The following DNAH14 variants were observed in gnomAD, a reference collection of about 807,000 sequenced individuals.
DNAH14 encodes dynein axonemal heavy chain 14, also known as axonemal beta dynein heavy chain 14.
Under a neutral mutation model 520.9 loss-of-function variants are expected in DNAH14, and 478 were observed. The observed-to-expected ratio is 0.92, with a 90% confidence interval of 0.85 to 0.99. DNAH14 has a LOEUF of 0.99. DNAH14 is among the 50% of genes least tolerant of loss of function. The pLI, the probability that DNAH14 is intolerant of heterozygous loss-of-function variation, is 0.00. For synonymous variants in DNAH14, 1,581 were observed against 1,757.2 expected (o/e 0.90, Z 2.51); for missense variants, 4,831 against 5,234.5 (o/e 0.92, Z 2.38).
chr1:225,017,280 T>C (rs1214930663), intron 10 of DNAH14, among the ~76,000 whole-genome samples: 1 of 152,254 alleles, frequency 6.6e-6, no homozygotes, highest in East Asian at 1.9e-4. Context: ...GTCTTCTTTT[T>C]GTCTAATGTT....
intron 23 of DNAH14, among the ~76,000 whole-genome samples, chr1:225,116,090 A>G (rs1272197701): frequency 1.3e-5 from 2 of 152,188 alleles, no homozygotes; most frequent in Admixed American, 6.6e-5. Context: ...GCAAAGGTAA[A>G]AAGTACAAAG....
chr1:225,185,846 G>A (rs955452038), intron 37 of DNAH14, among the ~76,000 whole-genome samples: 1 of 149,762 alleles, frequency 6.7e-6, no homozygotes, highest in African/African-American at 2.5e-5. Context: ...ACTTTATCTG[G>A]AATGTATTTA....
chr1:225,204,192 C>T lies in DNAH14; in HGVS notation c.5896C>T (p.Leu1966Phe), dbSNP rs749516905. The change falls in exon 39 of 86, where the codon CTT becomes TTT. Residue 1966 changes from leucine (L) to phenylalanine (F), a missense_variant. Leu to Phe is a conservative substitution (Grantham distance 22). Coordinates refer to ENST00000682510, the MANE Select transcript of DNAH14 (RefSeq NM_001367479.1). ...TGATTACATATTTTAGGTTTTCAAA[C>T]TTGATTCCTCTGATACAACAGAGAC... ...RISDLSNVFK[L>F]DSSDTTETDD... 4.7e-5 allele frequency: 68 copies of T among 1,453,712 alleles called. No homozygotes were observed. Among genetic ancestry groups the T allele is most frequent in the Admixed American group, 1.4e-4 (4 of 29,544 alleles). 90.1% of individuals were successfully genotyped at this position (1,453,712 alleles called of 1,614,324 possible). A position where few individuals can be genotyped will look rare whatever the true frequency, so the allele number is the denominator to read the frequency against.
chr1:225,051,965 T>G (rs1314883382), intron 17 of DNAH14, among the ~76,000 whole-genome samples, 170 bp downstream of exon 17: 1 of 152,200 alleles, frequency 6.6e-6, no homozygotes, highest in Non-Finnish European at 1.5e-5. Flanking sequence ...TAATGTGTAT[T>G]ACATTTGTTT....
At chr1:225,366,346 G>A (rs1171591931) in intron 76 of DNAH14, among the ~76,000 whole-genome samples, 1 of 152,112 alleles carries the variant, frequency 6.6e-6, no homozygotes, top group Non-Finnish European at 1.5e-5. Flanking sequence ...AAATTATGAT[G>A]TATTTGTGTG....
chr1:225,040,066 T>C (rs1268306867), intron 12 of DNAH14, among the ~76,000 whole-genome samples: 2 of 150,214 alleles, frequency 1.3e-5, no homozygotes, highest in East Asian at 2.0e-4. Context: ...GCCTCCCGAG[T>C]AGCTGGGACT....
Position 225,117,744 on chromosome 1 carries a change from C to T in DNAH14, c.3928C>T (p.Leu1310Phe), listed in dbSNP as rs779796221. The T allele has an allele frequency of 1.3e-6, 2 of 1,550,858 alleles. No homozygotes were observed. The highest frequency in any genetic ancestry group is 2.4e-5 in the East Asian group (1 of 40,886). The change falls in exon 24 of 86, where the codon CTT becomes TTT. Residue 1310 changes from leucine to phenylalanine, a missense_variant. By Grantham distance (22) the Leu-to-Phe change is conservative. Coordinates refer to ENST00000682510, the MANE Select transcript of DNAH14 (RefSeq NM_001367479.1). The part of the protein sequence containing the change: ...PRFYFLSNAE[L>F]LDILADSRNP... ...ATTTTACTTTCTTAGCAATGCCGAGCTTCTTGATATTCTAGCTGATAGCAG... is the reference window on the plus strand; with the variant it reads ...ATTTTACTTTCTTAGCAATGCCGAGTTTCTTGATATTCTAGCTGATAGCAG...
chr1:225,107,307 C>A (rs1251956531), intron 23 of DNAH14, among the ~76,000 whole-genome samples: 1 of 152,168 alleles, frequency 6.6e-6, no homozygotes, highest in South Asian at 2.1e-4. Flanking sequence ...GCCTCTCAGG[C>A]TACTCGGGGA....
At chr1:224,964,735 T>G in intron 5 of DNAH14, 126 bp downstream of exon 5, 1 of 859,704 alleles carries the variant, frequency 1.2e-6, no homozygotes, top group Non-Finnish European at 1.7e-6. Flanking sequence ...TACAATTATT[T>G]CATGGTAAAT....
intron 81 of DNAH14, among the ~76,000 whole-genome samples, chr1:225,382,512 C>T (rs989386469): frequency 6.6e-6 from 1 of 151,920 alleles, no homozygotes; most frequent in African/African-American, 2.4e-5. Context: ...TTGAGACCAG[C>T]CTGGCAAACA....
At chr1:225,090,634 TAAAG>T (rs985088896) in intron 21 of DNAH14, among the ~76,000 whole-genome samples, 3 of 152,152 alleles carry the variant, frequency 2.0e-5, no homozygotes, top group Non-Finnish European at 4.4e-5. Context: ...AGCCAATTTT[TAAAG>T]AAATTGTGCT....
intron 50 of DNAH14, among the ~76,000 whole-genome samples, chr1:225,271,441 T>C (rs61849989): frequency 0.11 from 16,051 of 152,196 alleles, 1,065 homozygotes; most frequent in Middle Eastern, 0.18. Context: ...TTGCTTAAGA[T>C]TTATTTTTCT....
At chr1:225,061,895 A>G (rs2070174456) in intron 17 of DNAH14, among the ~76,000 whole-genome samples, 1 of 152,214 alleles carries the variant, frequency 6.6e-6, no homozygotes, top group Admixed American at 6.5e-5. Context: ...TGTTTAGAAC[A>G]TTGATTATGA....
intron 64 of DNAH14, 142 bp downstream of exon 64, chr1:225,324,974 T>C: frequency 2.4e-6 from 1 of 420,912 alleles, no homozygotes; most frequent in South Asian, 1.0e-4. Flanking sequence ...AAGTAAATAA[T>C]ATTATTGGTA....
At chr1:225,192,062 C>A (rs2085509060) in intron 37 of DNAH14, among the ~76,000 whole-genome samples, 1 of 152,164 alleles carries the variant, frequency 6.6e-6, no homozygotes, top group African/African-American at 2.4e-5. Context: ...CATCTCAGGT[C>A]TTTGTGCATA....
At position 225,142,966 on chromosome 1, in the gene DNAH14, A is replaced by G. The variant is rs1014364663; in HGVS notation, c.4509-1431A>G. Among the ~76,000 whole-genome samples the G allele has an allele frequency of 4.6e-5, 7 of 152,248 alleles. No homozygotes were observed. In the South Asian group the frequency reaches 1.5e-3, roughly 32 times the overall value. On this transcript the variant is annotated intron_variant, in intron 28 of 85. Coordinates refer to ENST00000682510, the MANE Select transcript of DNAH14 (RefSeq NM_001367479.1). ...TTTAATTTTTTAAAAAAATTAATGA[A>G]ATAAATTTTTTTTTCTTTCAATTCA...
chr1:225,023,625 A>T lies in DNAH14; in HGVS notation c.1118A>T (p.Lys373Met). Residue 373 changes from lysine to methionine, a missense_variant, in exon 11 of 86, where the codon AAG becomes ATG. Coordinates refer to ENST00000682510, the MANE Select transcript of DNAH14 (RefSeq NM_001367479.1). ...TTTTTTAAATTGTAGGTTGCAGAAA[A>T]GAATGAAATCAAAGAGTATTTTGAG... ...MKSTFLKVAE[K>M]NEIKEYFESK... is the part of the protein sequence containing the mutation. 2 of 1,517,024 alleles carry T rather than the reference A, an allele frequency of 1.3e-6. No homozygotes were observed. Among genetic ancestry groups the T allele is most frequent in the Non-Finnish European group, 1.8e-6 (2 of 1,127,000 alleles). 94.0% of individuals were successfully genotyped at this position (1,517,024 alleles called of 1,614,324 possible). A position where few individuals can be genotyped will look rare whatever the true frequency, so the allele number is the denominator to read the frequency against.
At chr1:225,258,241 ATTAAT>A in intron 45 of DNAH14, 123 bp downstream of exon 45, 2 of 943,162 alleles carry the variant, frequency 2.1e-6, no homozygotes, top group African/African-American at 1.7e-5. Context: ...TGGTTACTAT[ATTAAT>A]TTATTTTCTT....
intron 84 of DNAH14, chr1:225,397,690 C>G (rs917285065): frequency 6.6e-6 from 1 of 152,206 alleles, no homozygotes; most frequent in Non-Finnish European, 1.5e-5. Flanking sequence ...ATCAGAAACT[C>G]ATTTTACTTA....
Sources: gnomAD v4.1 joint callset for allele counts (sites outside exome capture counted in the v4.1 genomes callset) on GRCh38, gnomAD v4.1.1 for gene constraint, MANE v1.5 for transcripts, NCBI Gene and HGNC (gene_info 2026-07-23, HGNC 2026-07-21) for gene names.